CAND1: variants seen among roughly 807,000 people sequenced by gnomAD.
The protein encoded by CAND1 is cullin-associated NEDD8-dissociated protein 1.
Under a neutral mutation model 108.5 loss-of-function variants are expected in CAND1, and 7 were observed. That is an observed-to-expected ratio of 0.06 (90% CI 0.04 to 0.12). The LOEUF (loss-of-function observed/expected upper bound fraction) is 0.12. Among genes scored for constraint, CAND1 ranks in the 10% least tolerant of loss-of-function variants. The pLI, the probability that CAND1 is intolerant of heterozygous loss-of-function variation, is 1.00. For synonymous variants in CAND1, 534 were observed against 512.0 expected (o/e 1.04, Z -0.58); for missense variants, 941 against 1,448.7 (o/e 0.65, Z 5.69).
intron 2 of CAND1, 140 bp downstream of exon 2, chr12:67,282,193 T>G (rs1452439428): frequency 1.3e-6 from 1 of 781,648 alleles, no homozygotes; most frequent in African/African-American, 1.8e-5. Context: ...AGGTGACTAA[T>G]GTTTAGTGTT....
At chr12:67,294,579 A>G (rs2044751446) in intron 3 of CAND1, among the ~76,000 whole-genome samples, 1 of 152,216 alleles carries the variant, frequency 6.6e-6, no homozygotes, top group African/African-American at 2.4e-5. Flanking sequence ...ATACCAATGC[A>G]TACAGATTAT....
chr12:67,312,009 T>C (rs1220525950), intron 14 of CAND1, among the ~76,000 whole-genome samples: 2 of 152,178 alleles, frequency 1.3e-5, no homozygotes, highest in Non-Finnish European at 2.9e-5. Context: ...TATATCAATA[T>C]GTTAACATTT....
At chr12:67,286,352 TTC>T (rs1160461771) in intron 2 of CAND1, among the ~76,000 whole-genome samples, 2 of 152,176 alleles carry the variant, frequency 1.3e-5, no homozygotes, top group East Asian at 3.8e-4. Flanking sequence ...ACTGCTCTTG[TTC>T]ACTTAGCTTT....
intron 4 of CAND1, among the ~76,000 whole-genome samples, chr12:67,296,465 C>T (rs2044770880): frequency 6.6e-6 from 1 of 151,806 alleles, no homozygotes; most frequent in Admixed American, 6.6e-5. Context: ...GATGGAGTCT[C>T]ACTCTGTCAC....
intron 1 of CAND1, among the ~76,000 whole-genome samples, chr12:67,271,805 C>T (rs1260141914): frequency 6.6e-6 from 1 of 152,152 alleles, no homozygotes; most frequent in Non-Finnish European, 1.5e-5. Flanking sequence ...AGTAATTTGG[C>T]ATCATTAAGA....
chr12:67,303,074 A>G (rs144752442), intron 8 of CAND1, among the ~76,000 whole-genome samples: 2 of 152,316 alleles, frequency 1.3e-5, no homozygotes, highest in Non-Finnish European at 2.9e-5. Context: ...TGTAGTGCCT[A>G]CTACATATAT....
rs2044901542 is a variant in CAND1, at chr12:67,307,593, A to G, written c.3025+101A>G. The G allele has an allele frequency of 5.4e-6, 4 of 737,974 alleles. No individual in the cohort carries two copies. In the South Asian group the frequency reaches 6.9e-5, roughly 13 times the overall value. 45.7% of individuals were successfully genotyped at this position (737,974 alleles called of 1,614,324 possible). On this transcript the variant is annotated intron_variant, in intron 11 of 14. Transcript: ENST00000545606. The stretch of plus-strand genomic sequence containing the variant: ...GAAATATCGAGGAATTAAAATGCTT[A>G]TAAAATAATTGTTTAAAAGAAAATT...
At chr12:67,283,229 A>G (rs2044636627) in intron 2 of CAND1, among the ~76,000 whole-genome samples, 1 of 152,242 alleles carries the variant, frequency 6.6e-6, no homozygotes, top group Admixed American at 6.5e-5. Context: ...ATTTCCAGAC[A>G]TGCAATACAA....
intron 1 of CAND1, among the ~76,000 whole-genome samples, chr12:67,278,485 C>A (rs1174136242): frequency 6.6e-6 from 1 of 151,918 alleles, no homozygotes; most frequent in African/African-American, 2.4e-5. Context: ...ACACAACCCG[C>A]AGTTCAGTCT....
At chr12:67,279,456 A>G (rs1007579994) in intron 1 of CAND1, among the ~76,000 whole-genome samples, 3 of 152,210 alleles carry the variant, frequency 2.0e-5, no homozygotes, top group Non-Finnish European at 2.9e-5. Context: ...ACATTTATAG[A>G]AGGAATAAAT....
At position 67,306,347 on chromosome 12, in the gene CAND1, G is replaced by A. The variant is rs35536769; in HGVS notation, c.2679G>A (p.Pro893=). The A allele has an allele frequency of 4.0e-4, 650 of 1,614,086 alleles. 10 individuals are homozygous for A. In the African/African-American group the frequency reaches 6.2e-3, roughly 15 times the overall value. ...TGGGCAACCTTCCTGAATATCTGCC[G>A]TTTGTCCTGCAAGAAATAACTAGTC... ...ISVGNLPEYL[P]FVLQEITSQP... Residue 893 remains proline, a synonymous_variant, in exon 10 of 15, where the codon CCG becomes CCA. Transcript: ENST00000545606.
chr12:67,286,580 A>G (rs541339816), intron 2 of CAND1, among the ~76,000 whole-genome samples: 19 of 144,864 alleles, frequency 1.3e-4, no homozygotes, highest in Non-Finnish European at 2.3e-4. Context: ...TTTTTTGTGC[A>G]TGGACTTTTT....
intron 11 of CAND1, among the ~76,000 whole-genome samples, chr12:67,309,364 T>A (rs1244907672): frequency 2.0e-5 from 3 of 151,988 alleles, no homozygotes; most frequent in Non-Finnish European, 2.9e-5. Flanking sequence ...AATTCGTGTA[T>A]TTCTTACTGA....
intron 4 of CAND1, among the ~76,000 whole-genome samples, chr12:67,296,637 G>A (rs2044772450): frequency 6.6e-6 from 1 of 152,100 alleles, no homozygotes; most frequent in African/African-American, 2.4e-5. Context: ...GTTTTACCAT[G>A]TTGGCCAGGG....
intron 2 of CAND1, among the ~76,000 whole-genome samples, chr12:67,292,162 C>T (rs1170999621): frequency 3.3e-5 from 5 of 152,004 alleles, no homozygotes; most frequent in African/African-American, 9.7e-5. Flanking sequence ...CCACTGCATC[C>T]GGCCTTACCT....
intron 1 of CAND1, among the ~76,000 whole-genome samples, chr12:67,281,480 G>A (rs1243578455): frequency 1.3e-5 from 2 of 152,138 alleles, no homozygotes. Context: ...AATGTTTTTG[G>A]TTAAGGGCTT....
chr12:67,272,429 A>T (rs897123978), intron 1 of CAND1, among the ~76,000 whole-genome samples: 1 of 152,226 alleles, frequency 6.6e-6, no homozygotes, highest in East Asian at 1.9e-4. Context: ...TATTTATATA[A>T]TTACATAGTT....
rs1234450805 is a variant in CAND1 at position 67,307,526 on chromosome 12, T to G, written c.3025+34T>G. 6 of 1,408,404 alleles carry G rather than the reference T, an allele frequency of 4.3e-6. No individual in the cohort carries two copies. In the African/African-American group the frequency reaches 8.5e-5, roughly 20 times the overall value. 87.2% of individuals were successfully genotyped at this position (1,408,404 alleles called of 1,614,324 possible). A position where few individuals can be genotyped will look rare whatever the true frequency, so the allele number is the denominator to read the frequency against. ...AAACAAAGATAAACATACTGATTTT[T>G]GGACTTTAGAATTCTCAAGAAACTC... is the stretch of plus-strand genomic sequence containing the variant. On this transcript the variant is annotated intron_variant, in intron 11 of 14. Transcript: ENST00000545606.
intron 2 of CAND1, among the ~76,000 whole-genome samples, chr12:67,284,956 A>G (rs1448034988): frequency 6.6e-6 from 1 of 152,218 alleles, no homozygotes; most frequent in African/African-American, 2.4e-5. Flanking sequence ...AGAATTGAAA[A>G]GTTTATGTGG....
Sources: allele counts gnomAD v4.1 joint callset (sites outside exome capture counted in the v4.1 genomes callset), GRCh38; gene constraint gnomAD v4.1.1; transcripts MANE v1.5; gene names NCBI Gene and HGNC (gene_info 2026-07-23, HGNC 2026-07-21).